The following CEP350 variants were observed in gnomAD, a reference collection of about 807,000 sequenced individuals.
The protein encoded by CEP350 is centrosomal protein 350.
In CEP350, 126 loss-of-function variants were observed where a neutral mutation model predicts 331.8. The observed-to-expected ratio is 0.38, with a 90% CI of 0.33 to 0.44. The LOEUF (loss-of-function observed/expected upper bound fraction) is 0.44. Ranked by LOEUF, CEP350 falls within the 20% of genes least tolerant of loss-of-function variation. The probability of loss-of-function intolerance (pLI) is 1.00; values close to 1 mark genes in which losing one functional copy is unlikely to be tolerated. For missense variants in CEP350, 3,406 were observed against 3,634.6 expected (o/e 0.94, Z 1.62); for synonymous variants, 1,200 against 1,259.5 (o/e 0.95, Z 1.00).
At chr1:179,989,045 T>G (rs1340609810) in intron 3 of CEP350, among the ~76,000 whole-genome samples, 1 of 152,084 alleles carries the variant, frequency 6.6e-6, no homozygotes, top group East Asian at 1.9e-4. Context: ...CTATTGGGTG[T>G]TTTTGAAGAA....
Position 179,955,255 on chromosome 1 carries a change from G to A in CEP350, c.-14+113G>A, listed in dbSNP as rs75919271. The A allele has an allele frequency of 3.5e-3, 3,768 of 1,078,064 alleles. 106 individuals are homozygous for A. The African/African-American group carries it at 0.058, about 17-fold the overall frequency. The allele number at this position is 1,078,064 out of a possible 1,614,324, so 66.8% of individuals were successfully genotyped here. On this transcript the variant is annotated intron_variant, in intron 1 of 37. Coordinates refer to ENST00000367607, the MANE Select transcript of CEP350 (RefSeq NM_014810.5). ...CAAGAGAGGCGGGGCCGGGCGCGGAGAGTCTTGGCCCTGCTTGGCGTCCCC... is the reference window on the plus strand; with the variant it reads ...CAAGAGAGGCGGGGCCGGGCGCGGAAAGTCTTGGCCCTGCTTGGCGTCCCC...
rs547675488 is a variant in CEP350, at chr1:180,112,263, A to G, written c.*1102A>G. ...GTTAAACCTCCATCTTGAAGCTTCT[A>G]TGGTTCATAGTCTTTGCACAGGAAC... On this transcript the variant is annotated 3_prime_UTR_variant, in exon 38 of 38. Coordinates refer to ENST00000367607, the MANE Select transcript of CEP350 (RefSeq NM_014810.5). 21 of 152,732 alleles carry G rather than the reference A, an allele frequency of 1.4e-4. No individual in the cohort carries two copies. Among genetic ancestry groups the G allele is most frequent in the South Asian group, 6.2e-4 (3 of 4,832 alleles). The allele number at this position is 152,732 out of a possible 1,614,324, so 9.5% of individuals were successfully genotyped here.
At chr1:180,011,330 AT>A (rs961096636) in intron 8 of CEP350, among the ~76,000 whole-genome samples, 11 of 152,128 alleles carry the variant, frequency 7.2e-5, no homozygotes, top group South Asian at 2.1e-4. Flanking sequence ...TGATTAAGTC[AT>A]TTTTTTAAAG....
At chr1:179,994,429 C>G (rs186323047) in intron 5 of CEP350, among the ~76,000 whole-genome samples, 1 of 149,236 alleles carries the variant, frequency 6.7e-6, no homozygotes, top group East Asian at 1.9e-4. Flanking sequence ...CTATCTCTTT[C>G]TTTTTTCTTT....
intron 27 of CEP350, 45 bp downstream of exon 27, chr1:180,065,317 T>C (rs1163591586): frequency 2.0e-6 from 3 of 1,531,688 alleles, no homozygotes; most frequent in Non-Finnish European, 1.8e-6. Context: ...ACATTGAAAG[T>C]AGTACAACAA....
In CEP350 at chr1:180,031,643, C is replaced by T. The variant is rs77878469; in HGVS notation, c.3725+149C>T. 701 of 370,294 alleles carry T rather than the reference C, an allele frequency of 1.9e-3. 6 individuals are homozygous for T. Among genetic ancestry groups the T allele is most frequent in the African/African-American group, 0.013 (606 of 47,416 alleles). 22.9% of individuals were successfully genotyped at this position (370,294 alleles called of 1,614,324 possible). On this transcript the variant is annotated intron_variant, in intron 15 of 37. Transcript: ENST00000367607. ...AATTCTGTATTTTACAAATAGACTT[C>T]ATAGCTTTGTTCACAGCTCTAATCT...
chr1:180,096,260 C>G, intron 36 of CEP350, 76 bp downstream of exon 36: 1 of 1,454,222 alleles, frequency 6.9e-7, no homozygotes, highest in Non-Finnish European at 9.2e-7. Flanking sequence ...GTTGTAAAAG[C>G]AGGTGCTCTT....
In CEP350 at chr1:180,053,834, G is replaced by GAAATGAGGGCA. The variant is rs1474133631; in HGVS notation, c.5075_5085dup (p.Ala1696LysfsTer2). 1 of 1,612,258 alleles carries GAAATGAGGGCA rather than the reference G, an allele frequency of 6.2e-7. No individual in the cohort carries two copies. Among genetic ancestry groups the GAAATGAGGGCA allele is most frequent in the Non-Finnish European group, 8.5e-7 (1 of 1,178,682 alleles). ...GGTTCGACAGTATATGAAAGAGGAAGAAATGAGGGCAGCTCACCAGTCTTC... is the reference window on the plus strand; with the variant it reads ...GGTTCGACAGTATATGAAAGAGGAAGAAATGAGGGCAAAATGAGGGCAGCTCACCAGTCTTC... On this transcript the variant is annotated frameshift_variant, in exon 24 of 38. Coordinates refer to ENST00000367607, the MANE Select transcript of CEP350 (RefSeq NM_014810.5). LOFTEE classifies it high-confidence loss of function.
At chr1:180,050,673 C>CA (rs4058356) in intron 22 of CEP350, among the ~76,000 whole-genome samples, 3,339 of 83,676 alleles carry the variant, frequency 0.04, 30 homozygotes, top group Non-Finnish European at 0.054. Context: ...CCAAAAAAAC[C>CA]AAAAAAAAAA....
intron 36 of CEP350, among the ~76,000 whole-genome samples, chr1:180,098,622 A>G (rs530234531): frequency 6.6e-6 from 1 of 152,182 alleles, no homozygotes; most frequent in African/African-American, 2.4e-5. Flanking sequence ...GGGATTACAG[A>G]CGTGAGTCAC....
chr1:179,973,839 C>A (rs749752089), intron 1 of CEP350, among the ~76,000 whole-genome samples: 4 of 151,384 alleles, frequency 2.6e-5, no homozygotes, highest in Non-Finnish European at 5.9e-5. Flanking sequence ...ATTTCTTTTT[C>A]TCCCCCTCAT....
Position 180,114,293 on chromosome 1 carries a change from A to G in CEP350, c.*3132A>G, listed in dbSNP as rs556770785. The G allele has an allele frequency of 3.9e-5, 6 of 152,774 alleles. No homozygotes were observed. In the South Asian group the frequency reaches 1.2e-3, roughly 32 times the overall value. 9.5% of individuals were successfully genotyped at this position (152,774 alleles called of 1,614,324 possible). ...CATTAGAGACTCATAACTTTTCTGC[A>G]AGAAATACAAACTTACATCTTCCTT... On this transcript the variant is annotated 3_prime_UTR_variant, in exon 38 of 38. Coordinates refer to ENST00000367607, the MANE Select transcript of CEP350 (RefSeq NM_014810.5).
At chr1:180,012,629 A>C (rs1654732290) in intron 9 of CEP350, among the ~76,000 whole-genome samples, 1 of 152,190 alleles carries the variant, frequency 6.6e-6, no homozygotes, top group South Asian at 2.1e-4. Context: ...ATGAACAGTA[A>C]TTTTGGGATG....
At chr1:180,083,911 G>T in intron 30 of CEP350, 107 bp from the exon 31 acceptor site, 1 of 516,598 alleles carries the variant, frequency 1.9e-6, no homozygotes, top group Non-Finnish European at 3.3e-6. Context: ...TTATTAGATT[G>T]GCTTTATTTA....
intron 27 of CEP350, among the ~76,000 whole-genome samples, chr1:180,074,288 C>T (rs532130746): frequency 5.9e-5 from 9 of 152,246 alleles, no homozygotes; most frequent in African/African-American, 1.9e-4. Flanking sequence ...AGTAATTTCT[C>T]CTAACCCTCT....
intron 30 of CEP350, among the ~76,000 whole-genome samples, chr1:180,081,505 A>T (rs538119026): frequency 3.3e-4 from 50 of 152,364 alleles, no homozygotes; most frequent in African/African-American, 1.0e-3. Context: ...TTACACACAC[A>T]TATGTATGCA....
intron 17 of CEP350, among the ~76,000 whole-genome samples, chr1:180,040,191 A>T (rs560690890): frequency 0.035 from 5,388 of 152,116 alleles, 181 homozygotes; most frequent in African/African-American, 0.072. Flanking sequence ...TCATTGTGAC[A>T]GCAGAAACTC....
chr1:179,981,291 A>G (rs562677083), intron 1 of CEP350, among the ~76,000 whole-genome samples: 7 of 152,330 alleles, frequency 4.6e-5, no homozygotes, highest in Admixed American at 2.6e-4. Context: ...CAAATTTCCC[A>G]TATGACTGTA....
chr1:180,107,183 T>C (rs1012648009), intron 37 of CEP350, among the ~76,000 whole-genome samples: 1 of 152,142 alleles, frequency 6.6e-6, no homozygotes, highest in African/African-American at 2.4e-5. Context: ...GTCCTAGTCA[T>C]GAGGGAATCA....
Sources: gnomAD v4.1 joint callset for allele counts (sites outside exome capture counted in the v4.1 genomes callset) on GRCh38, gnomAD v4.1.1 for gene constraint, MANE v1.5 for transcripts, NCBI Gene and HGNC (gene_info 2026-07-23, HGNC 2026-07-21) for gene names.